Variants in DNAAF4 observed in about 807,000 individuals in gnomAD.
The protein encoded by DNAAF4 is dynein axonemal assembly factor 4.
A neutral mutation model predicts 51.8 loss-of-function variants in DNAAF4; 43 were observed. The observed-to-expected ratio is 0.83, with a 90% CI of 0.65 to 1.07. The LOEUF (loss-of-function observed/expected upper bound fraction) is 1.07. Ranked by LOEUF, DNAAF4 falls within the 50% of genes least tolerant of loss-of-function variation. The pLI, the probability that DNAAF4 is intolerant of heterozygous loss-of-function variation, is 0.00. For synonymous variants in DNAAF4, 194 were observed against 165.6 expected, an observed-to-expected ratio of 1.17 and a Z score of -1.32; for missense variants, 581 against 493.0, an observed-to-expected ratio of 1.18 and a Z score of -1.69.
intron 7 of DNAAF4, among the ~76,000 whole-genome samples, chr15:55,439,006 T>C (rs892194778): frequency 2.6e-5 from 4 of 152,220 alleles, no homozygotes; most frequent in African/African-American, 9.6e-5. Context: ...TTATCTGACT[T>C]TTAAAATATG....
intron 7 of DNAAF4, among the ~76,000 whole-genome samples, chr15:55,422,476 C>T (rs1027116181): frequency 2.6e-5 from 4 of 152,036 alleles, no homozygotes; most frequent in African/African-American, 9.7e-5. Context: ...TAGGGAAAAC[C>T]ACCATTTAGA....
Position 55,478,828 on chromosome 15 carries a change from G to A in DNAAF4, c.406-11667C>T, listed in dbSNP as rs999904239. Among the ~76,000 whole-genome samples, 2 of 152,022 alleles carry A rather than the reference G, an allele frequency of 1.3e-5. 1 individual carries two copies. The highest frequency in any genetic ancestry group is 2.9e-5 in the Non-Finnish European group (2 of 68,002). Reference sequence around the variant, plus strand: ...AACCCATTAGGGGCCCAATATCGATGCACACAGAACTAAAATTCCAGGCAC... The same window carrying A: ...AACCCATTAGGGGCCCAATATCGATACACACAGAACTAAAATTCCAGGCAC... On this transcript the variant is annotated intron_variant, in intron 4 of 9. Coordinates refer to ENST00000321149, the MANE Select transcript of DNAAF4 (RefSeq NM_130810.4).
At chr15:55,479,293 G>A (rs534931431) in intron 4 of DNAAF4, among the ~76,000 whole-genome samples, 257 of 151,984 alleles carry the variant, frequency 1.7e-3, no homozygotes, top group Non-Finnish European at 2.5e-3. Context: ...GGCTGGAGCC[G>A]CAGCAGAGGA....
At chr15:55,468,717 T>C (rs983240492) in intron 4 of DNAAF4, among the ~76,000 whole-genome samples, 11 of 152,146 alleles carry the variant, frequency 7.2e-5, no homozygotes, top group African/African-American at 2.7e-4. Flanking sequence ...GAATTTTACA[T>C]GAAGTTTTTA....
rs879351208 is a variant in DNAAF4 at position 55,473,187 on chromosome 15, T to TAAAAAAAA, written c.406-6034_406-6027dup. Among the ~76,000 whole-genome samples, 246 of 27,516 alleles carry TAAAAAAAA rather than the reference T, an allele frequency of 8.9e-3. 11 individuals are homozygous for TAAAAAAAA. Among genetic ancestry groups the TAAAAAAAA allele is most frequent in the South Asian group, 0.048 (28 of 588 alleles). 18.1% of individuals were successfully genotyped at this position (27,516 alleles called of 152,430 possible). A position where few individuals can be genotyped will look rare whatever the true frequency, so the allele number is the denominator to read the frequency against. ...CCTCAAAACAAACAAAAAAAAAACCTAAAAAAAAAAAATATATATATATAT... is the reference window on the plus strand; with the variant it reads ...CCTCAAAACAAACAAAAAAAAAACCTAAAAAAAAAAAAAAAAAAAATATATATATATAT... On this transcript the variant is annotated intron_variant, in intron 4 of 9. Coordinates refer to ENST00000321149, the MANE Select transcript of DNAAF4 (RefSeq NM_130810.4).
chr15:55,425,295 T>C (rs1482816123), intron 7 of DNAAF4, among the ~76,000 whole-genome samples: 1 of 152,180 alleles, frequency 6.6e-6, no homozygotes, highest in Non-Finnish European at 1.5e-5. Flanking sequence ...ATCCCCCCGG[T>C]GATAACTGAT....
chr15:55,423,836 C>G (rs1034822374), intron 7 of DNAAF4, among the ~76,000 whole-genome samples: 1 of 152,120 alleles, frequency 6.6e-6, no homozygotes, highest in African/African-American at 2.4e-5. Flanking sequence ...CACCTGTAAT[C>G]CCAGCATTTT....
chr15:55,458,937 G>A (rs745515152), intron 5 of DNAAF4, among the ~76,000 whole-genome samples: 2 of 152,004 alleles, frequency 1.3e-5, no homozygotes, highest in African/African-American at 4.8e-5. Context: ...TCAGCCAGGC[G>A]TGGTGGCAGG....
At chr15:55,418,492 T>G in intron 7 of DNAAF4, 1 of 1,528,634 alleles carries the variant, frequency 6.5e-7, no homozygotes, top group Non-Finnish European at 8.8e-7. Context: ...CAACTGGATT[T>G]TATCAAAATA....
At chr15:55,442,668 T>G in intron 6 of DNAAF4, 2 of 1,519,134 alleles carry the variant, frequency 1.3e-6, no homozygotes, top group Non-Finnish European at 1.8e-6. Flanking sequence ...GCTTTATAAG[T>G]AAGCTTGTCG....
intron 8 of DNAAF4, among the ~76,000 whole-genome samples, chr15:55,434,631 G>C (rs926918763): frequency 6.6e-6 from 1 of 151,982 alleles, no homozygotes; most frequent in Non-Finnish European, 1.5e-5. Context: ...CCAGGAGTTC[G>C]AGACCTGCCT....
Position 55,485,280 on chromosome 15 carries a change from A to G in DNAAF4, c.405+5843T>C, listed in dbSNP as rs114054554. ...GAGGAATGAGATGAAAGAAAAAAGAAAGATGGGAGGATTTTTTAAATGCCA... is the reference window on the plus strand; with the variant it reads ...GAGGAATGAGATGAAAGAAAAAAGAGAGATGGGAGGATTTTTTAAATGCCA... On this transcript the variant is annotated intron_variant, in intron 4 of 9. Coordinates refer to ENST00000321149, the MANE Select transcript of DNAAF4 (RefSeq NM_130810.4). 4.2e-3 allele frequency among the ~76,000 whole-genome samples: 640 copies of G among 152,336 alleles called. 2 individuals carry two copies. Among genetic ancestry groups the G allele is most frequent in the African/African-American group, 0.012 (515 of 41,574 alleles).
At chr15:55,501,070 G>A (rs193254803) in intron 1 of DNAAF4, among the ~76,000 whole-genome samples, 1 of 149,652 alleles carries the variant, frequency 6.7e-6, no homozygotes, top group Admixed American at 6.6e-5. Context: ...GGATTTTTTT[G>A]TTGTTGTTTT....
chr15:55,494,975 G>A (rs2058621017), intron 3 of DNAAF4, among the ~76,000 whole-genome samples: 1 of 152,074 alleles, frequency 6.6e-6, no homozygotes, highest in African/African-American at 2.4e-5. Flanking sequence ...ATATGACAGA[G>A]ACCATATGGC....
At chr15:55,491,102 G>A (rs1343407043) in intron 4 of DNAAF4, 21 bp downstream of exon 4, 2 of 1,613,624 alleles carry the variant, frequency 1.2e-6, no homozygotes, top group African/African-American at 2.7e-5. Flanking sequence ...TAGAGGACTT[G>A]CCTGTCATTC....
chr15:55,480,233 C>A (rs185803067), intron 4 of DNAAF4, among the ~76,000 whole-genome samples: 1 of 152,274 alleles, frequency 6.6e-6, no homozygotes, highest in Admixed American at 6.5e-5. Context: ...GATGGCCCAG[C>A]TGTAAAATTC....
intron 6 of DNAAF4, among the ~76,000 whole-genome samples, chr15:55,446,086 G>A (rs1567008703): frequency 7.0e-6 from 1 of 143,772 alleles, no homozygotes; most frequent in African/African-American, 2.6e-5. Flanking sequence ...CGGCCGGGCA[G>A]AGGCGCTCCT....
At chr15:55,430,916 C>T (rs1595887916) in intron 9 of DNAAF4, 137 bp from the exon 10 acceptor site, 1 of 655,296 alleles carries the variant, frequency 1.5e-6, no homozygotes, top group East Asian at 3.3e-5. Flanking sequence ...AAATTAGATT[C>T]CCATCTTTTT....
chr15:55,462,148 T>A (rs1451902253), intron 5 of DNAAF4, among the ~76,000 whole-genome samples: 1 of 149,850 alleles, frequency 6.7e-6, no homozygotes, highest in Non-Finnish European at 1.5e-5. Flanking sequence ...AACAGTAATT[T>A]AAAAATGGCC....
Sources: gnomAD v4.1 joint callset for allele counts (sites outside exome capture counted in the v4.1 genomes callset) on GRCh38, gnomAD v4.1.1 for gene constraint, MANE v1.5 for transcripts, NCBI Gene and HGNC (gene_info 2026-07-23, HGNC 2026-07-21) for gene names.